Variants in CNTN3 observed in about 807,000 individuals in gnomAD.
CNTN3 encodes contactin-3.
CNTN3 carries 60 observed loss-of-function variants against 119.1 expected under a neutral mutation model. The ratio of observed to expected loss-of-function variants is 0.50; its 90% CI spans 0.41 to 0.62. CNTN3 has a LOEUF of 0.62. CNTN3 is among the 20% of genes least tolerant of loss of function. The pLI is 0.00. For synonymous variants in CNTN3, 450 were observed against 438.7 expected, an observed-to-expected ratio of 1.03 and a Z score of -0.32; for missense variants, 1,101 against 1,242.4, an observed-to-expected ratio of 0.89 and a Z score of 1.71.
intron 10 of CNTN3, among the ~76,000 whole-genome samples, chr3:74,364,245 G>C (rs996732417): frequency 6.6e-6 from 1 of 152,040 alleles, no homozygotes; most frequent in Non-Finnish European, 1.5e-5. Context: ...TCCTACTGTC[G>C]ATTAACTTAA....
intron 2 of CNTN3, among the ~76,000 whole-genome samples, chr3:74,512,555 G>C (rs538682600): frequency 6.6e-6 from 1 of 151,756 alleles, no homozygotes; most frequent in East Asian, 1.9e-4. Context: ...AACAAAATAA[G>C]CAGCAAAGAG....
intron 1 of CNTN3, among the ~76,000 whole-genome samples, chr3:74,570,117 C>T (rs574570468): frequency 6.6e-6 from 1 of 152,188 alleles, no homozygotes; most frequent in East Asian, 1.9e-4. Flanking sequence ...GGACATCTCT[C>T]TTTTGCCATA....
chr3:74,372,590 T>A (rs556043844), intron 5 of CNTN3, among the ~76,000 whole-genome samples: 1,450 of 143,398 alleles, frequency 0.01, 14 homozygotes, highest in African/African-American at 0.032. Context: ...CAATAGAGTT[T>A]AAAAAAAAAA....
chr3:74,558,109 T>C (rs757522069), intron 1 of CNTN3, among the ~76,000 whole-genome samples: 1 of 152,162 alleles, frequency 6.6e-6, no homozygotes, highest in Non-Finnish European at 1.5e-5. Context: ...AGGGATAATC[T>C]TCATGCAATT....
chr3:74,614,526 C>T lies in CNTN3; in HGVS notation c.-216G>A, dbSNP rs1455434024. ...CGCCGTGCGCGCCCGCGTAAGCCGC[C>T]GCCGCCGCAGGCGCAGCACCCTCGT... is the stretch of plus-strand genomic sequence containing the variant. On this transcript the variant is annotated 5_prime_UTR_variant, in exon 1 of 23. Coordinates refer to ENST00000263665, the MANE Select transcript of CNTN3 (RefSeq NM_020872.3). Among the ~76,000 whole-genome samples, 1 of 147,252 alleles carries T rather than the reference C, an allele frequency of 6.8e-6. No homozygotes were observed. The highest frequency in any genetic ancestry group is 2.4e-5 in the African/African-American group (1 of 40,870).
At chr3:74,417,586 G>GT (rs1349378509) in intron 5 of CNTN3, among the ~76,000 whole-genome samples, 3 of 152,156 alleles carry the variant, frequency 2.0e-5, no homozygotes, top group Admixed American at 1.3e-4. Context: ...AAAAAGGAAA[G>GT]TTGAAGGCAG....
intron 1 of CNTN3, among the ~76,000 whole-genome samples, chr3:74,543,321 G>A (rs1174572532): frequency 6.6e-6 from 1 of 152,158 alleles, no homozygotes; most frequent in Non-Finnish European, 1.5e-5. Context: ...GTTAATTTCT[G>A]ATGGGAACAG....
At chr3:74,308,691 T>G (rs1028044770) in intron 13 of CNTN3, among the ~76,000 whole-genome samples, 4 of 152,204 alleles carry the variant, frequency 2.6e-5, no homozygotes, top group Non-Finnish European at 5.9e-5. Context: ...ATGCCTAGTC[T>G]GCTGTCCCAG....
chr3:74,436,079 T>C (rs1701861318), intron 4 of CNTN3, among the ~76,000 whole-genome samples: 1 of 152,206 alleles, frequency 6.6e-6, no homozygotes, highest in African/African-American at 2.4e-5. Flanking sequence ...TGTATGCATA[T>C]ACATGTGTAC....
chr3:74,312,894 T>C (rs1379653363), intron 13 of CNTN3, among the ~76,000 whole-genome samples: 2 of 152,072 alleles, frequency 1.3e-5, no homozygotes, highest in East Asian at 3.9e-4. Flanking sequence ...AATTTTAAAA[T>C]TCTATGATTA....
chr3:74,446,869 C>T (rs1260480264), intron 4 of CNTN3, among the ~76,000 whole-genome samples: 1 of 151,956 alleles, frequency 6.6e-6, no homozygotes, highest in Admixed American at 6.6e-5. Context: ...GTCAGACTGA[C>T]AGATTTGCAT....
intron 18 of CNTN3, 73 bp downstream of exon 18, chr3:74,297,884 G>T: frequency 8.8e-7 from 1 of 1,135,318 alleles, no homozygotes. Flanking sequence ...GTCAAAACGA[G>T]ACTCCAAATC....
chr3:74,339,374 A>G (rs534449824), intron 11 of CNTN3, among the ~76,000 whole-genome samples: 1 of 152,170 alleles, frequency 6.6e-6, no homozygotes, highest in Admixed American at 6.6e-5. Flanking sequence ...CTCCAATCAC[A>G]CAAGCCTTCT....
intron 5 of CNTN3, among the ~76,000 whole-genome samples, chr3:74,407,892 G>T (rs2106864090): frequency 6.6e-6 from 1 of 152,266 alleles, no homozygotes; most frequent in African/African-American, 2.4e-5. Flanking sequence ...ACATTTAAAG[G>T]AACTGTGTTC....
intron 1 of CNTN3, among the ~76,000 whole-genome samples, chr3:74,587,028 T>C (rs1704604426): frequency 6.6e-6 from 1 of 152,036 alleles, no homozygotes. Flanking sequence ...TCCTTGTCTC[T>C]CAAAGATGCA....
At chr3:74,302,484 T>C (rs1259953428) in intron 14 of CNTN3, among the ~76,000 whole-genome samples, 1 of 152,188 alleles carries the variant, frequency 6.6e-6, no homozygotes, top group African/African-American at 2.4e-5. Flanking sequence ...CCAATTACAG[T>C]GAGAGCTATT....
In CNTN3 at chr3:74,466,603, A is replaced by T. The variant is rs113767164; in HGVS notation, c.358+19853T>A. Among the ~76,000 whole-genome samples, 831 of 152,258 alleles carry T rather than the reference A, an allele frequency of 5.5e-3. 5 individuals are homozygous for T. Among genetic ancestry groups the T allele is most frequent in the African/African-American group, 0.019 (788 of 41,566 alleles). On this transcript the variant is annotated intron_variant, in intron 4 of 22. Transcript: ENST00000263665. ...CCGAGATGAGTTGTCATGGAGGAAAATGTACCTAAAAATTGTGGGTTGAAT... is the reference window on the plus strand; with the variant it reads ...CCGAGATGAGTTGTCATGGAGGAAATTGTACCTAAAAATTGTGGGTTGAAT...
chr3:74,471,385 A>G (rs759518694), intron 4 of CNTN3, among the ~76,000 whole-genome samples: 42 of 152,172 alleles, frequency 2.8e-4, no homozygotes, highest in Non-Finnish European at 4.4e-4. Context: ...CATGCCATCC[A>G]TTACTGCATT....
At chr3:74,596,756 C>T (rs1319091882) in intron 1 of CNTN3, among the ~76,000 whole-genome samples, 1 of 151,982 alleles carries the variant, frequency 6.6e-6, no homozygotes, top group African/African-American at 2.4e-5. Context: ...GTGGGCCTCT[C>T]CCCTACACAA....
Sources: allele counts gnomAD v4.1 joint callset (sites outside exome capture counted in the v4.1 genomes callset), GRCh38; gene constraint gnomAD v4.1.1; transcripts MANE v1.5; gene names NCBI Gene and HGNC (gene_info 2026-07-23, HGNC 2026-07-21).